The following UEVLD variants were observed in gnomAD, a reference collection of about 807,000 sequenced individuals.
UEVLD encodes UEV and lactate/malate dehyrogenase domains, also known as ubiquitin-conjugating enzyme E2 variant 3.
A neutral mutation model predicts 58.6 loss-of-function variants in UEVLD; 47 were observed. That is an observed-to-expected ratio of 0.80 (90% CI 0.63 to 1.02). The LOEUF (loss-of-function observed/expected upper bound fraction) is 1.02. Ranked by LOEUF, UEVLD falls within the 50% of genes least tolerant of loss-of-function variation. The probability of loss-of-function intolerance (pLI) is 0.00; values close to 1 mark genes in which losing one functional copy is unlikely to be tolerated. For synonymous variants in UEVLD, 197 were observed against 195.3 expected (o/e 1.01, Z -0.07); for missense variants, 510 against 550.6 (o/e 0.93, Z 0.74).
intron 9 of UEVLD, among the ~76,000 whole-genome samples, chr11:18,538,076 A>G (rs1010188663): frequency 6.6e-6 from 1 of 152,232 alleles, no homozygotes; most frequent in Admixed American, 6.5e-5. Context: ...ATATTTGAGT[A>G]GGCAAAACAA....
In UEVLD at chr11:18,560,138, C is replaced by CACACACACAGAG. The variant is rs368897951; in HGVS notation, c.613-1809_613-1808insCTCTGTGTGTGT. Among the ~76,000 whole-genome samples, 18 of 74,814 alleles carry CACACACACAGAG rather than the reference C, an allele frequency of 2.4e-4. 1 individual carries two copies. Among genetic ancestry groups the CACACACACAGAG allele is most frequent in the South Asian group, 1.2e-3 (2 of 1,668 alleles). The allele number at this position is 74,814 out of a possible 152,430, so 49.1% of individuals were successfully genotyped here. The stretch of plus-strand genomic sequence containing the variant: ...ACACACACACACACACACACACACA[C>CACACACACAGAG]AGAGAGAGAAAGAAAATAACCCTGC... On this transcript the variant is annotated intron_variant, in intron 6 of 11. Transcript: ENST00000396197.
intron 9 of UEVLD, among the ~76,000 whole-genome samples, chr11:18,539,626 A>G (rs1262977346): frequency 6.6e-6 from 1 of 152,204 alleles, no homozygotes; most frequent in African/African-American, 2.4e-5. Flanking sequence ...AACTTACTTA[A>G]CTTGGCAAAT....
intron 11 of UEVLD, 108 bp from the exon 12 acceptor site, chr11:18,532,595 G>T: frequency 1.0e-6 from 1 of 965,480 alleles, no homozygotes; most frequent in Non-Finnish European, 1.4e-6. Context: ...GATACAAGTT[G>T]GACTTAAAAA....
At chr11:18,547,842 G>A (rs1271148688) in intron 7 of UEVLD, among the ~76,000 whole-genome samples, 2 of 151,892 alleles carry the variant, frequency 1.3e-5, no homozygotes, top group East Asian at 1.9e-4. Context: ...GCAGAATAGT[G>A]GTGCTTTTTA....
intron 6 of UEVLD, among the ~76,000 whole-genome samples, chr11:18,561,200 A>C (rs1160384924): frequency 6.6e-6 from 1 of 152,204 alleles, no homozygotes; most frequent in Non-Finnish European, 1.5e-5. Context: ...ATTTATTAAC[A>C]GTGTAATTTG....
chr11:18,534,361 T>C lies in UEVLD; in HGVS notation c.1217A>G (p.Lys406Arg), dbSNP rs1210412342. ...TAAAGCTGATACAGAATGCACTTTC[T>C]TCTTATTGTTTACAATACTGTCAAC... Reference protein sequence around the residue: ...DMVDSIVNNKKKVHSVSALAK... With the variant: ...DMVDSIVNNKRKVHSVSALAK... Residue 406 changes from lysine (K) to arginine (R), a missense_variant, in exon 11 of 12, where the codon AAG (lysine) becomes AGG (arginine). Lys to Arg is a conservative substitution (Grantham distance 26). Coordinates refer to ENST00000396197, the MANE Select transcript of UEVLD (RefSeq NM_001040697.4). 3 of 1,560,854 alleles carry C rather than the reference T, an allele frequency of 1.9e-6. No individual in the cohort carries two copies. The highest frequency in any genetic ancestry group is 2.6e-6 in the Non-Finnish European group (3 of 1,161,932).
At chr11:18,569,048 C>T (rs1852450294) in intron 4 of UEVLD, among the ~76,000 whole-genome samples, 1 of 152,082 alleles carries the variant, frequency 6.6e-6, no homozygotes. Context: ...GCGCCCACCA[C>T]CACGCCTGGC....
At chr11:18,543,280 T>A (rs1039230382) in intron 9 of UEVLD, among the ~76,000 whole-genome samples, 3 of 152,328 alleles carry the variant, frequency 2.0e-5, no homozygotes, top group African/African-American at 7.2e-5. Context: ...GATGAAGTAA[T>A]GACTAATTTT....
At chr11:18,537,364 C>T (rs577451166) in intron 9 of UEVLD, among the ~76,000 whole-genome samples, 52 of 145,206 alleles carry the variant, frequency 3.6e-4, no homozygotes, top group African/African-American at 1.2e-3. Flanking sequence ...GACGGACTCT[C>T]GCTGTTACCT....
intron 7 of UEVLD, among the ~76,000 whole-genome samples, chr11:18,554,052 C>T (rs550760293): frequency 6.6e-6 from 1 of 152,198 alleles, no homozygotes; most frequent in South Asian, 2.1e-4. Flanking sequence ...AGTGCAAAAT[C>T]AATTCCCTCG....
intron 8 of UEVLD, among the ~76,000 whole-genome samples, chr11:18,545,074 A>AT (rs773948158): frequency 2.4e-5 from 2 of 84,572 alleles, no homozygotes; most frequent in Non-Finnish European, 2.6e-5. Context: ...CTATATCTAT[A>AT]TTTTTTTTTT....
Position 18,565,672 on chromosome 11 carries a change from T to C in UEVLD, c.494-662A>G, listed in dbSNP as rs1027999244. Among the ~76,000 whole-genome samples, 3 of 151,630 alleles carry C rather than the reference T, an allele frequency of 2.0e-5. No homozygotes were observed. The East Asian group carries it at 5.9e-4, about 30-fold the overall frequency. ...GGCAAAACCTCATTCTTATCAAAAA[T>C]ACAAAAATTGGCTGGGCATGCCTGT... On this transcript the variant is annotated intron_variant, in intron 5 of 11. Transcript: ENST00000396197.
chr11:18,578,948 A>T lies in UEVLD; in HGVS notation c.43-140T>A. 4 of 565,604 alleles carry T rather than the reference A, an allele frequency of 7.1e-6. No individual in the cohort carries two copies. The South Asian group carries it at 8.8e-5, about 12-fold the overall frequency. The allele number at this position is 565,604 out of a possible 1,614,324, so 35.0% of individuals were successfully genotyped here. On this transcript the variant is annotated intron_variant, in intron 1 of 11. Transcript: ENST00000396197. ...AGTGGCGGGATCTCAGCTCACTGCA[A>T]CCTCCGTCTCCTGGGTTTAAGTGAT... is the stretch of plus-strand genomic sequence containing the variant.
intron 7 of UEVLD, among the ~76,000 whole-genome samples, 169 bp from the exon 8 acceptor site, chr11:18,547,219 A>G (rs1851339703): frequency 6.6e-6 from 1 of 152,204 alleles, no homozygotes; most frequent in Admixed American, 6.5e-5. Flanking sequence ...GTTTGCCTCC[A>G]AAAAGAGGAT....
intron 4 of UEVLD, among the ~76,000 whole-genome samples, chr11:18,567,225 AC>A (rs1304878776): frequency 6.6e-6 from 1 of 152,246 alleles, no homozygotes; most frequent in Non-Finnish European, 1.5e-5. Flanking sequence ...TGGTTAAGCA[AC>A]CTTGATGAAA....
In UEVLD at chr11:18,544,727, C is replaced by A; in HGVS notation, c.956G>T (p.Cys319Phe). The A allele has an allele frequency of 6.3e-7, 1 of 1,577,972 alleles. No individual in the cohort carries two copies. Among genetic ancestry groups the A allele is most frequent in the Admixed American group, 1.9e-5 (1 of 51,522 alleles). ...CTGTAATCTCTGTGAATCCAGATTA[C>A]ATCCAATTCCGATCACTCGATTTGC... ...FPANRVIGIG[C>F]NLDSQRLQYI... The change falls in exon 9 of 12, where the codon TGT becomes TTT. Residue 319 changes from cysteine (C) to phenylalanine (F), a missense_variant. Physicochemically the swap from Cys to Phe is radical, Grantham distance 205. Coordinates refer to ENST00000396197, the MANE Select transcript of UEVLD (RefSeq NM_001040697.4).
intron 3 of UEVLD, among the ~76,000 whole-genome samples, chr11:18,572,823 C>T (rs1463097765): frequency 6.9e-6 from 1 of 144,464 alleles, no homozygotes; most frequent in African/African-American, 2.5e-5. Flanking sequence ...AAAAAAAAGG[C>T]AGACAAATAA....
intron 3 of UEVLD, among the ~76,000 whole-genome samples, chr11:18,571,809 A>G (rs191934432): frequency 1.1e-3 from 160 of 152,320 alleles, no homozygotes; most frequent in African/African-American, 3.7e-3. Flanking sequence ...GTGGTAGCAC[A>G]TATCTGTAGT....
At chr11:18,586,267 T>A (rs1853554413) in intron 1 of UEVLD, among the ~76,000 whole-genome samples, 1 of 152,094 alleles carries the variant, frequency 6.6e-6, no homozygotes, top group South Asian at 2.1e-4. Context: ...CAGGCTGGAG[T>A]GCAGTGGCAC....
Sources: gnomAD v4.1 joint callset for allele counts (sites outside exome capture counted in the v4.1 genomes callset) on GRCh38, gnomAD v4.1.1 for gene constraint, MANE v1.5 for transcripts, NCBI Gene and HGNC (gene_info 2026-07-23, HGNC 2026-07-21) for gene names.